Variants in IL3RA observed in about 807,000 individuals in gnomAD.
IL3RA encodes the protein interleukin-3 receptor subunit alpha.
In IL3RA, 73 loss-of-function variants were observed where a neutral mutation model predicts 52.3. The ratio of observed to expected loss-of-function variants is 1.40; its 90% CI spans 1.16 to 1.70. The LOEUF (loss-of-function observed/expected upper bound fraction) is 1.70, where lower values mean the gene tolerates loss of function less well. Ranked by LOEUF, IL3RA falls within the 40% of genes most tolerant of loss-of-function variation. IL3RA has a pLI of 0.00. For synonymous variants in IL3RA, 260 were observed against 194.0 expected (o/e 1.34, Z -2.83); for missense variants, 664 against 504.4 (o/e 1.32, Z -3.03).
intron 7 of IL3RA, 149 bp downstream of exon 7, chrX:1,356,485 A>AAAAC: frequency 1.6e-6 from 1 of 621,276 alleles, no homozygotes; most frequent in Non-Finnish European, 2.9e-6. Flanking sequence ...AACAAAAACA[A>AAAAC]AAGGCCGGGC....
In IL3RA at chrX:1,381,142, CGTG is replaced by C. The variant is rs780974881; in HGVS notation, c.1062+43_1062+45del. 729 of 1,597,074 alleles carry C rather than the reference CGTG, an allele frequency of 4.6e-4. 2 individuals are homozygous for C. The African/African-American group carries it at 8.7e-3, about 19-fold the overall frequency. The stretch of plus-strand genomic sequence containing the variant: ...TTCTGCCTTGGGACGGGTCTGGAGG[CGTG>C]GTGGCCACTTTGGGAGGCCCAGGCG... On this transcript the variant is annotated intron_variant, in intron 11 of 11. Coordinates refer to ENST00000331035, the MANE Select transcript of IL3RA (RefSeq NM_002183.4).
intron 8 of IL3RA, among the ~76,000 whole-genome samples, chrX:1,364,726 C>T (rs757869603): frequency 6.6e-6 from 1 of 152,022 alleles, no homozygotes; most frequent in South Asian, 2.1e-4. Flanking sequence ...AATTCTCCCA[C>T]CTCAGCCTCC....
intron 11 of IL3RA, 101 bp from the exon 12 acceptor site, chrX:1,382,290 C>A: frequency 9.3e-7 from 1 of 1,072,516 alleles, no homozygotes; most frequent in Non-Finnish European, 1.4e-6. Flanking sequence ...ATGCCTGGCC[C>A]ACAGAGCAGA....
chrX:1,341,130 A>C (rs1421194891), intron 1 of IL3RA, among the ~76,000 whole-genome samples: 1 of 150,814 alleles, frequency 6.6e-6, no homozygotes, highest in Non-Finnish European at 1.5e-5. Flanking sequence ...AAAATAAATA[A>C]ATAAATAAAT....
At chrX:1,378,587 G>A (rs1378322262) in intron 9 of IL3RA, 72 bp from the exon 10 acceptor site, 21 of 1,327,042 alleles carry the variant, frequency 1.6e-5, no homozygotes, top group East Asian at 1.5e-4. Flanking sequence ...CCAGGGCCCC[G>A]GGGAGAGCTT....
chrX:1,353,333 C>CCCA, intron 6 of IL3RA, among the ~76,000 whole-genome samples: 1 of 62,240 alleles, frequency 1.6e-5, no homozygotes, highest in East Asian at 3.0e-4. Flanking sequence ...GGGACCCCCC[C>CCCA]ATCATGGGTC....
intron 2 of IL3RA, among the ~76,000 whole-genome samples, chrX:1,344,571 G>A (rs1406581721): frequency 4.0e-5 from 6 of 151,452 alleles, no homozygotes; most frequent in East Asian, 3.9e-4. Flanking sequence ...TCAGGAGATC[G>A]AGACCATCCT....
At chrX:1,361,287 CT>C (rs1387295928) in intron 8 of IL3RA, among the ~76,000 whole-genome samples, 2 of 151,960 alleles carry the variant, frequency 1.3e-5, no homozygotes, top group Non-Finnish European at 2.9e-5. Flanking sequence ...GTCTGTCCCC[CT>C]GTATTAGTCC....
intron 4 of IL3RA, among the ~76,000 whole-genome samples, chrX:1,349,605 C>A (rs2085988849): frequency 6.6e-6 from 1 of 152,074 alleles, no homozygotes; most frequent in Non-Finnish European, 1.5e-5. Flanking sequence ...AGCCACCACG[C>A]CTGGCCTCTT....
At chrX:1,360,105 A>C (rs1231109628) in intron 8 of IL3RA, among the ~76,000 whole-genome samples, 80 of 67,790 alleles carry the variant, frequency 1.2e-3, no homozygotes, top group Admixed American at 1.6e-3. Flanking sequence ...CCCGGTCTCT[A>C]TCTCCCCCTC....
chrX:1,360,878 T>C (rs868370930), intron 8 of IL3RA, among the ~76,000 whole-genome samples: 2,784 of 139,334 alleles, frequency 0.02, 7 homozygotes, highest in African/African-American at 0.023. Flanking sequence ...CCTTCCCCTC[T>C]CTGTCTCTCT....
Position 1,345,356 on chromosome X carries a change from G to GGC in IL3RA, c.106_107dup (p.Gln37LeufsTer4). The stretch of plus-strand genomic sequence containing the variant: ...TCACGAACCTAAGGATGAAAGCAAA[G>GGC]GCTCAGCAGTTGACCTGGGACCTTA... On this transcript the variant is annotated frameshift_variant, in exon 3 of 12. Coordinates refer to ENST00000331035, the MANE Select transcript of IL3RA (RefSeq NM_002183.4). LOFTEE classifies it high-confidence loss of function. The GGC allele has an allele frequency of 6.2e-7, 1 of 1,611,420 alleles. No individual in the cohort carries two copies. Among genetic ancestry groups the GGC allele is most frequent in the Non-Finnish European group, 8.5e-7 (1 of 1,178,474 alleles).
At chrX:1,350,162 C>T (rs1412796428) in intron 4 of IL3RA, among the ~76,000 whole-genome samples, 1 of 151,944 alleles carries the variant, frequency 6.6e-6, no homozygotes, top group Admixed American at 6.6e-5. Flanking sequence ...TGTAAAAGTG[C>T]TCCTTGGGGA....
rs757433875 is a variant in IL3RA at position 1,381,012 on chromosome X, T to C, written c.981-11T>C. On this transcript the variant is annotated splice_polypyrimidine_tract_variant and intron_variant, in intron 10 of 11. Coordinates refer to ENST00000331035, the MANE Select transcript of IL3RA (RefSeq NM_002183.4). ...TGGGTTCAGAGCTGGGCCATTTCTC[T>C]TTCCTCCGAGGTATCTGGTGATGCA... 1.9e-6 allele frequency: 3 copies of C among 1,613,318 alleles called. No individual in the cohort carries two copies. The highest frequency in any genetic ancestry group is 2.5e-6 in the Non-Finnish European group (3 of 1,179,296).
chrX:1,376,525 T>C (rs1260095295), intron 9 of IL3RA, among the ~76,000 whole-genome samples: 734 of 64,392 alleles, frequency 0.011, no homozygotes, highest in Middle Eastern at 0.034. Context: ...GTTTTGTTTC[T>C]AAGCCGCCCA....
At chrX:1,341,260 A>G (rs1316468766) in intron 1 of IL3RA, among the ~76,000 whole-genome samples, 1 of 151,862 alleles carries the variant, frequency 6.6e-6, no homozygotes, top group Admixed American at 6.6e-5. Flanking sequence ...AGATCATGCC[A>G]CTGCACTCCA....
chrX:1,382,543 A>G lies in IL3RA; in HGVS notation c.*78A>G. The G allele has an allele frequency of 1.5e-6, 2 of 1,313,820 alleles. No individual in the cohort carries two copies. Among genetic ancestry groups the G allele is most frequent in the Non-Finnish European group, 1.1e-6 (1 of 906,786 alleles). 81.4% of individuals were successfully genotyped at this position (1,313,820 alleles called of 1,614,324 possible). On this transcript the variant is annotated 3_prime_UTR_variant, in exon 12 of 12. Transcript: ENST00000331035. Reference sequence around the variant, plus strand: ...GGCGCCTGCACAGACTGGCTGCTGGACCTGCGCACGCAGCCCAGGAATGGA... The same window carrying G: ...GGCGCCTGCACAGACTGGCTGCTGGGCCTGCGCACGCAGCCCAGGAATGGA...
At chrX:1,362,708 A>C (rs1267516406) in intron 8 of IL3RA, among the ~76,000 whole-genome samples, 2 of 152,016 alleles carry the variant, frequency 1.3e-5, no homozygotes, top group African/African-American at 4.8e-5. Flanking sequence ...GCTTGTGGCC[A>C]TATCACTCCA....
In IL3RA at chrX:1,348,674, CTTTCTT is replaced by C. The variant is rs1255350125; in HGVS notation, c.298+131_298+136del. The C allele has an allele frequency of 3.7e-3, 1,771 of 481,886 alleles. 68 individuals carry two copies. In the African/African-American group the frequency reaches 0.056, roughly 15 times the overall value. The allele number at this position is 481,886 out of a possible 1,614,324, so 29.9% of individuals were successfully genotyped here. A position where few individuals can be genotyped will look rare whatever the true frequency, so the allele number is the denominator to read the frequency against. Reference sequence around the variant, plus strand: ...TCTTTCTTTCTTTCTTTCTTTCTTTCTTTCTTTCTTTCTTTCTTTTTCTTTCTTTCT... The same window carrying C: ...TCTTTCTTTCTTTCTTTCTTTCTTTCTCTTTCTTTCTTTTTCTTTCTTTCT... On this transcript the variant is annotated intron_variant, in intron 4 of 11. Transcript: ENST00000331035.
Sources: gnomAD v4.1 joint callset for allele counts (sites outside exome capture counted in the v4.1 genomes callset) on GRCh38, gnomAD v4.1.1 for gene constraint, MANE v1.5 for transcripts, NCBI Gene and HGNC (gene_info 2026-07-23, HGNC 2026-07-21) for gene names.